Variants in ENTREP2 observed in about 807,000 individuals in gnomAD.
ENTREP2 encodes the protein endosomal transmembrane epsin interactor 2, also known as protein ENTREP2.
At chr15:29,604,830 C>G in the ENTREP2 span, among the ~76,000 whole-genome samples, 3 of 152,134 alleles carry the variant, frequency 2.0e-5, no homozygotes, top group Non-Finnish European at 4.4e-5. Context: ...AGTGCTGTCC[C>G]GTGAAGATGA....
At chr15:29,275,864 A>G in the ENTREP2 span, among the ~76,000 whole-genome samples, 1 of 152,250 alleles carries the variant, frequency 6.6e-6, no homozygotes, top group African/African-American at 2.4e-5. Flanking sequence ...CAGCCACCAC[A>G]TATGAGCTGT....
chr15:29,136,891 C>T, the ENTREP2 span: 16 of 751,070 alleles, frequency 2.1e-5, no homozygotes, highest in South Asian at 1.7e-4. Flanking sequence ...CCACGGGGAA[C>T]GCTGTATGTC....
chr15:29,206,980 A>C, the ENTREP2 span, among the ~76,000 whole-genome samples: 3 of 152,148 alleles, frequency 2.0e-5, no homozygotes, highest in African/African-American at 4.8e-5. Flanking sequence ...CCCCGGCATA[A>C]ACTCAGGGCC....
the ENTREP2 span, among the ~76,000 whole-genome samples, chr15:29,531,345 A>G: frequency 5.9e-5 from 9 of 152,148 alleles, no homozygotes; most frequent in African/African-American, 2.2e-4. Context: ...ACTAGCCATC[A>G]TCATTTAACA....
At chr15:29,457,977 G>A in the ENTREP2 span, among the ~76,000 whole-genome samples, 1 of 152,140 alleles carries the variant, frequency 6.6e-6, no homozygotes, top group East Asian at 1.9e-4. Flanking sequence ...GCTGGAGCCT[G>A]TATGAGTCAG....
chr15:29,219,616 T>TATATAA, the ENTREP2 span, among the ~76,000 whole-genome samples: 3 of 10,124 alleles, frequency 3.0e-4, no homozygotes, highest in Non-Finnish European at 4.4e-4. Flanking sequence ...GGTGCATAAA[T>TATATAA]ATATATATAT....
the ENTREP2 span, among the ~76,000 whole-genome samples, chr15:29,402,994 G>A: frequency 6.6e-6 from 1 of 152,162 alleles, no homozygotes; most frequent in Non-Finnish European, 1.5e-5. Flanking sequence ...ACTTCAATGT[G>A]AGGGCCGATG....
the ENTREP2 span, among the ~76,000 whole-genome samples, chr15:29,155,099 G>C: frequency 0.24 from 35,920 of 151,024 alleles, 5,412 homozygotes; most frequent in Non-Finnish European, 0.33. Context: ...TGGCTAACAC[G>C]GTGAAACCCC....
the ENTREP2 span, among the ~76,000 whole-genome samples, chr15:29,481,012 G>A: frequency 6.6e-6 from 1 of 152,184 alleles, no homozygotes; most frequent in African/African-American, 2.4e-5. Context: ...ACCCCAGCAT[G>A]GGAGAACAGA....
the ENTREP2 span, among the ~76,000 whole-genome samples, chr15:29,158,946 T>A: frequency 9.2e-3 from 1,396 of 150,984 alleles, 20 homozygotes; most frequent in African/African-American, 0.031. Context: ...TTATGGATAT[T>A]AATAATAAGA....
the ENTREP2 span, among the ~76,000 whole-genome samples, chr15:29,221,944 T>G: frequency 6.6e-6 from 1 of 152,114 alleles, no homozygotes; most frequent in Non-Finnish European, 1.5e-5. Flanking sequence ...TCAAAAACAT[T>G]AAATTAGGAG....
the ENTREP2 span, among the ~76,000 whole-genome samples, chr15:29,362,013 G>C: frequency 6.6e-6 from 1 of 152,096 alleles, no homozygotes; most frequent in Non-Finnish European, 1.5e-5. Flanking sequence ...TTAACCAACA[G>C]ACACGGATCA....
chr15:29,543,116 C>G, the ENTREP2 span, among the ~76,000 whole-genome samples: 7 of 151,108 alleles, frequency 4.6e-5, no homozygotes, highest in East Asian at 1.4e-3. Flanking sequence ...AGACTCTCTA[C>G]ATGTTAACTT....
chr15:29,340,441 C>T, the ENTREP2 span, among the ~76,000 whole-genome samples: 6 of 152,042 alleles, frequency 3.9e-5, no homozygotes, highest in Non-Finnish European at 7.4e-5. Flanking sequence ...GGATTTGGAG[C>T]AGGGCAGGGA....
At chr15:29,515,807 C>A in the ENTREP2 span, among the ~76,000 whole-genome samples, 27 of 152,194 alleles carry the variant, frequency 1.8e-4, 1 homozygote, top group South Asian at 5.2e-3. Flanking sequence ...GGAATGTATC[C>A]CCTGGCCATA....
At chr15:29,452,976 A>G in the ENTREP2 span, among the ~76,000 whole-genome samples, 1 of 152,152 alleles carries the variant, frequency 6.6e-6, no homozygotes, top group Non-Finnish European at 1.5e-5. Flanking sequence ...GCCGAGAGGA[A>G]ATTAAACCGG....
At chr15:29,603,669 C>A in the ENTREP2 span, among the ~76,000 whole-genome samples, 1 of 152,070 alleles carries the variant, frequency 6.6e-6, no homozygotes, top group Admixed American at 6.6e-5. Flanking sequence ...GACAGAGCCT[C>A]GCTCTGTCAT....
chr15:29,444,212 A>C, the ENTREP2 span, among the ~76,000 whole-genome samples: 1 of 150,246 alleles, frequency 6.7e-6, no homozygotes, highest in South Asian at 2.1e-4. Context: ...GAAAGAAAGA[A>C]AGAAAGAAAG....
At chr15:29,166,954 A>T in the ENTREP2 span, among the ~76,000 whole-genome samples, 14 of 152,224 alleles carry the variant, frequency 9.2e-5, no homozygotes, top group Non-Finnish European at 1.8e-4. Context: ...ACAGCATGGT[A>T]CTAGTATAAA....
Sources: allele counts gnomAD v4.1 joint callset (sites outside exome capture counted in the v4.1 genomes callset), GRCh38; gene constraint gnomAD v4.1.1; transcripts MANE v1.5; gene names NCBI Gene and HGNC (gene_info 2026-07-23, HGNC 2026-07-21).